The following GRB2 variants were observed in gnomAD, a reference collection of about 807,000 sequenced individuals.
GRB2 encodes growth factor receptor bound protein 2.
Under a neutral mutation model 27.4 loss-of-function variants are expected in GRB2, and 2 were observed. The ratio of observed to expected loss-of-function variants is 0.07; its 90% confidence interval spans 0.03 to 0.23. The LOEUF (loss-of-function observed/expected upper bound fraction) is 0.23, where lower values mean the gene tolerates loss of function less well. GRB2 is among the 10% of genes least tolerant of loss of function. GRB2 has a pLI of 1.00. For missense variants in GRB2, 102 were observed against 282.4 expected (o/e 0.36, Z 4.58); for synonymous variants, 94 against 99.6 (o/e 0.94, Z 0.33).
rs143072991 is a variant in GRB2, at chr17:75,325,149, C to A, written c.299+749G>T. On this transcript the variant is annotated intron_variant, in intron 4 of 5. Transcript: ENST00000316804. ...AAAAACAAAACAATCTTAATGTAAT[C>A]TAAACTAAGTAGTGATCTGAGTGTT... 2.6e-5 allele frequency among the ~76,000 whole-genome samples: 4 copies of A among 152,222 alleles called. No homozygotes were observed. In the East Asian group the frequency reaches 7.7e-4, roughly 29 times the overall value.
At chr17:75,397,695 G>A (rs1376727520) in intron 1 of GRB2, among the ~76,000 whole-genome samples, 2 of 152,036 alleles carry the variant, frequency 1.3e-5, no homozygotes, top group Non-Finnish European at 2.9e-5. Context: ...ACAAGCTCCA[G>A]TTTTCTCATC....
At chr17:75,368,101 G>C (rs762436765) in intron 2 of GRB2, among the ~76,000 whole-genome samples, 3 of 152,004 alleles carry the variant, frequency 2.0e-5, no homozygotes, top group Non-Finnish European at 4.4e-5. Context: ...TTTTTGTAGA[G>C]ACGGAGTTTT....
At chr17:75,343,515 T>C (rs1242215716) in intron 2 of GRB2, among the ~76,000 whole-genome samples, 1 of 152,180 alleles carries the variant, frequency 6.6e-6, no homozygotes, top group African/African-American at 2.4e-5. Flanking sequence ...CTGAGAAATA[T>C]TTTAGTTCAA....
At chr17:75,326,165 G>A (rs1291524356) in intron 3 of GRB2, 145 bp from the exon 4 acceptor site, 13 of 888,450 alleles carry the variant, frequency 1.5e-5, no homozygotes, top group East Asian at 1.3e-4. Context: ...GCCCAAGATC[G>A]ACACTGGGTT....
chr17:75,330,166 G>C (rs1439698715), intron 3 of GRB2, among the ~76,000 whole-genome samples: 1 of 151,828 alleles, frequency 6.6e-6, no homozygotes, highest in Non-Finnish European at 1.5e-5. Flanking sequence ...GGCGGATCAG[G>C]AGGTCAGGAG....
At chr17:75,374,583 G>C (rs2078879558) in intron 2 of GRB2, among the ~76,000 whole-genome samples, 1 of 151,722 alleles carries the variant, frequency 6.6e-6, no homozygotes, top group Non-Finnish European at 1.5e-5. Context: ...CACTAGCCGA[G>C]TGTGGTGGCA....
chr17:75,388,402 C>T (rs1270332730), intron 2 of GRB2, among the ~76,000 whole-genome samples: 1 of 152,060 alleles, frequency 6.6e-6, no homozygotes, highest in African/African-American at 2.4e-5. Context: ...CACGCCTGAC[C>T]ACAAACTAAC....
chr17:75,350,235 GAA>G (rs35602764), intron 2 of GRB2, among the ~76,000 whole-genome samples: 43 of 130,946 alleles, frequency 3.3e-4, no homozygotes, highest in Non-Finnish European at 4.5e-4. Context: ...TCTCTGAGGG[GAA>G]AAAAAAAAAA....
intron 1 of GRB2, among the ~76,000 whole-genome samples, chr17:75,401,520 C>T (rs1742989828): frequency 6.7e-6 from 1 of 148,702 alleles, no homozygotes. Context: ...AACACTTTTA[C>T]TTTCTGCATG....
chr17:75,322,424 C>G (rs554920762), intron 4 of GRB2, among the ~76,000 whole-genome samples: 1 of 146,310 alleles, frequency 6.8e-6, no homozygotes, highest in African/African-American at 2.5e-5. Flanking sequence ...CAAATAAAAA[C>G]AGCCGTACTT....
chr17:75,323,013 G>A (rs2078471025), intron 4 of GRB2, among the ~76,000 whole-genome samples: 1 of 151,866 alleles, frequency 6.6e-6, no homozygotes, highest in Non-Finnish European at 1.5e-5. Flanking sequence ...CAGCTACTCG[G>A]GAGGCTGAGG....
chr17:75,374,934 G>A (rs149460599), intron 2 of GRB2, among the ~76,000 whole-genome samples: 77 of 152,086 alleles, frequency 5.1e-4, no homozygotes, highest in Non-Finnish European at 8.8e-4. Context: ...TCATTCAGTC[G>A]CTCAGGTTTA....
At chr17:75,361,352 T>A (rs2078780485) in intron 2 of GRB2, among the ~76,000 whole-genome samples, 1 of 152,196 alleles carries the variant, frequency 6.6e-6, no homozygotes, top group Non-Finnish European at 1.5e-5. Flanking sequence ...CAAATGCACA[T>A]CTTTCCTTCA....
intron 2 of GRB2, among the ~76,000 whole-genome samples, chr17:75,369,645 A>G (rs2078842752): frequency 6.9e-6 from 1 of 145,976 alleles, no homozygotes; most frequent in East Asian, 2.1e-4. Flanking sequence ...ACTTGAGGTC[A>G]GGGGTTCAAG....
intron 2 of GRB2, among the ~76,000 whole-genome samples, chr17:75,389,183 C>G (rs1269721161): frequency 4.6e-5 from 7 of 152,176 alleles, no homozygotes; most frequent in Non-Finnish European, 1.0e-4. Flanking sequence ...CGCTCCAACT[C>G]TACCTTATTT....
At chr17:75,360,051 G>T (rs1445039346) in intron 2 of GRB2, among the ~76,000 whole-genome samples, 3 of 151,646 alleles carry the variant, frequency 2.0e-5, no homozygotes, top group African/African-American at 7.3e-5. Flanking sequence ...GAAGGCTGAG[G>T]TGGGAGGATT....
chr17:75,389,918 T>C (rs1309648109), intron 2 of GRB2, among the ~76,000 whole-genome samples: 3 of 152,192 alleles, frequency 2.0e-5, no homozygotes, highest in Non-Finnish European at 2.9e-5. Flanking sequence ...TTATATACCA[T>C]CTTGTACTGT....
At chr17:75,357,826 C>G (rs2078743528) in intron 2 of GRB2, among the ~76,000 whole-genome samples, 1 of 152,172 alleles carries the variant, frequency 6.6e-6, no homozygotes, top group African/African-American at 2.4e-5. Context: ...GAGGCTGAGG[C>G]AGGAGAACCG....
chr17:75,389,480 C>A (rs1360434428), intron 2 of GRB2, among the ~76,000 whole-genome samples: 1 of 152,178 alleles, frequency 6.6e-6, no homozygotes. Flanking sequence ...GTTGTGTGAT[C>A]TTGGATAGAT....
Sources: allele counts gnomAD v4.1 joint callset (sites outside exome capture counted in the v4.1 genomes callset), GRCh38; gene constraint gnomAD v4.1.1; transcripts MANE v1.5; gene names NCBI Gene and HGNC (gene_info 2026-07-23, HGNC 2026-07-21).